Variants in INPP4B observed in about 807,000 individuals in gnomAD.
INPP4B encodes inositol polyphosphate 4-phosphatase type II.
In INPP4B, 55 loss-of-function variants were observed where a neutral mutation model predicts 122.5. That is an observed-to-expected ratio of 0.45 (90% CI 0.36 to 0.56). The LOEUF (loss-of-function observed/expected upper bound fraction) is 0.56, where lower values mean the gene tolerates loss of function less well. INPP4B is among the 20% of genes least tolerant of loss of function. The probability of loss-of-function intolerance (pLI) is 0.00; values close to 1 mark genes in which losing one functional copy is unlikely to be tolerated. For missense variants in INPP4B, 1,000 were observed against 1,097.7 expected (o/e 0.91, Z 1.26); for synonymous variants, 403 against 388.7 (o/e 1.04, Z -0.43).
intron 9 of INPP4B, among the ~76,000 whole-genome samples, chr4:142,281,099 T>C (rs1750979648): frequency 7.1e-6 from 1 of 140,822 alleles, no homozygotes; most frequent in Admixed American, 6.9e-5. Flanking sequence ...GTTAAGTTCA[T>C]TTATTTCATT....
chr4:142,411,019 C>T (rs1278958001), intron 5 of INPP4B, among the ~76,000 whole-genome samples: 2 of 151,900 alleles, frequency 1.3e-5, no homozygotes, highest in Admixed American at 1.3e-4. Context: ...TTTAAAAGCT[C>T]TTTACTAGAT....
At chr4:142,831,764 GTT>G (rs1175563941) in intron 1 of INPP4B, among the ~76,000 whole-genome samples, 1 of 152,154 alleles carries the variant, frequency 6.6e-6, no homozygotes, top group Non-Finnish European at 1.5e-5. Context: ...TGCAATGTTA[GTT>G]CACAACAGTC....
Position 142,351,406 on chromosome 4 carries a change from C to T in INPP4B, c.373-36644G>A, listed in dbSNP as rs143654295. Among the ~76,000 whole-genome samples, 277 of 152,102 alleles carry T rather than the reference C, an allele frequency of 1.8e-3. 1 individual carries two copies. The highest frequency in any genetic ancestry group is 3.0e-3 in the Non-Finnish European group (203 of 67,942). ...CAATCTTATATCTAGTTAACAGTTA[C>T]TTACATTTAATATCTATGTTCAAAT... is the stretch of plus-strand genomic sequence containing the variant. On this transcript the variant is annotated intron_variant, in intron 7 of 25. Coordinates refer to ENST00000262992, the MANE Select transcript of INPP4B (RefSeq NM_001101669.3).
chr4:142,133,633 C>A (rs1369720401), intron 18 of INPP4B, among the ~76,000 whole-genome samples: 2 of 152,190 alleles, frequency 1.3e-5, no homozygotes, highest in Non-Finnish European at 2.9e-5. Context: ...TTACACAAAG[C>A]CTCTACATGA....
chr4:142,807,133 CA>C (rs1778965595), intron 1 of INPP4B, among the ~76,000 whole-genome samples: 1 of 152,216 alleles, frequency 6.6e-6, no homozygotes, highest in Admixed American at 6.5e-5. Flanking sequence ...TATGATCCAA[CA>C]AACACTGAGT....
chr4:142,710,594 A>G (rs1277594948), intron 2 of INPP4B, among the ~76,000 whole-genome samples: 1 of 152,186 alleles, frequency 6.6e-6, no homozygotes, highest in African/African-American at 2.4e-5. Flanking sequence ...CATGTAACAA[A>G]ATATTATTTT....
chr4:142,366,427 T>C (rs1157913120), intron 7 of INPP4B, among the ~76,000 whole-genome samples: 1 of 152,128 alleles, frequency 6.6e-6, no homozygotes, highest in Non-Finnish European at 1.5e-5. Context: ...AAAATATTAT[T>C]AGAGGCAGCT....
intron 15 of INPP4B, among the ~76,000 whole-genome samples, chr4:142,189,269 A>G (rs1269822877): frequency 6.6e-6 from 1 of 152,114 alleles, no homozygotes; most frequent in Non-Finnish European, 1.5e-5. Context: ...TATATTATTA[A>G]TCTTATTGCA....
intron 2 of INPP4B, among the ~76,000 whole-genome samples, chr4:142,634,301 GAA>G (rs199514538): frequency 0.022 from 3,376 of 152,054 alleles, 69 homozygotes; most frequent in Non-Finnish European, 0.029. Context: ...CAGAGCACAG[GAA>G]AAAGAGAAAA....
chr4:142,163,001 G>A (rs1820872107), intron 16 of INPP4B, among the ~76,000 whole-genome samples: 1 of 151,432 alleles, frequency 6.6e-6, no homozygotes, highest in Admixed American at 6.6e-5. Flanking sequence ...AATTTTTTTT[G>A]ACCAGCACTA....
At chr4:142,398,396 AAAAAAATATATATATATATATATATAT>A (rs1800223920) in intron 7 of INPP4B, among the ~76,000 whole-genome samples, 1 of 21,456 alleles carries the variant, frequency 4.7e-5, no homozygotes, top group African/African-American at 1.5e-4. Flanking sequence ...AAAAAAAAAA[AAAAAAATATATATATATATATATATAT>A]ATATATATAT....
At chr4:142,256,927 T>C (rs532254924) in intron 11 of INPP4B, among the ~76,000 whole-genome samples, 1 of 152,222 alleles carries the variant, frequency 6.6e-6, no homozygotes, top group African/African-American at 2.4e-5. Flanking sequence ...GACCAATATC[T>C]CTGATGAACT....
intron 12 of INPP4B, among the ~76,000 whole-genome samples, chr4:142,237,140 A>G (rs1479652934): frequency 1.3e-5 from 2 of 152,164 alleles, no homozygotes; most frequent in African/African-American, 2.4e-5. Flanking sequence ...GTCCATTAGC[A>G]TAGCATGTTT....
At chr4:142,457,089 C>T (rs531037918) in intron 3 of INPP4B, among the ~76,000 whole-genome samples, 95 of 151,832 alleles carry the variant, frequency 6.3e-4, no homozygotes, top group Non-Finnish European at 1.1e-3. Flanking sequence ...AATTGAATAT[C>T]CATGTGCAAA....
At chr4:142,306,962 C>T (rs1260129054) in intron 8 of INPP4B, among the ~76,000 whole-genome samples, 6 of 152,148 alleles carry the variant, frequency 3.9e-5, no homozygotes, top group South Asian at 2.1e-4. Context: ...TAATGATAAA[C>T]CCAATTAATT....
intron 5 of INPP4B, among the ~76,000 whole-genome samples, chr4:142,412,208 G>A (rs1443962289): frequency 6.6e-6 from 1 of 152,052 alleles, no homozygotes; most frequent in East Asian, 1.9e-4. Flanking sequence ...TTCTATACCA[G>A]TGATTACATC....
At chr4:142,470,024 T>C (rs1307460335) in intron 2 of INPP4B, among the ~76,000 whole-genome samples, 1 of 152,002 alleles carries the variant, frequency 6.6e-6, no homozygotes, top group Non-Finnish European at 1.5e-5. Flanking sequence ...TGGAAGTAAA[T>C]ACAAATAAAA....
At chr4:142,784,410 A>AATAAAAAT (rs775824053) in intron 1 of INPP4B, among the ~76,000 whole-genome samples, 3 of 143,912 alleles carry the variant, frequency 2.1e-5, no homozygotes, top group Non-Finnish European at 3.1e-5. Flanking sequence ...TAAATAAATA[A>AATAAAAAT]AAATTAAAAT....
chr4:142,308,855 T>G (rs1291674281), intron 8 of INPP4B, among the ~76,000 whole-genome samples: 1 of 152,150 alleles, frequency 6.6e-6, no homozygotes. Flanking sequence ...CTCAGAGGTC[T>G]GAAGTGTGGC....
Sources: gnomAD v4.1 joint callset for allele counts (sites outside exome capture counted in the v4.1 genomes callset) on GRCh38, gnomAD v4.1.1 for gene constraint, MANE v1.5 for transcripts, NCBI Gene and HGNC (gene_info 2026-07-23, HGNC 2026-07-21) for gene names.